Variants in SLC16A2 observed in about 807,000 individuals in gnomAD.
The protein encoded by SLC16A2 is solute carrier family 16 member 2, also known as monocarboxylate transporter 8.
SLC16A2 carries 3 observed loss-of-function variants against 27.2 expected under a neutral mutation model. The observed-to-expected ratio is 0.11, with a 90% CI of 0.05 to 0.28. SLC16A2 has a LOEUF of 0.28. SLC16A2 is among the 10% of genes least tolerant of loss of function. The pLI, the probability that SLC16A2 is intolerant of heterozygous loss-of-function variation, is 1.00. For synonymous variants in SLC16A2, 202 were observed against 187.8 expected, an observed-to-expected ratio of 1.08 and a Z score of -0.62; for missense variants, 295 against 458.5, an observed-to-expected ratio of 0.64 and a Z score of 3.26.
chrX:74,497,111 G>A (rs1929951346), intron 1 of SLC16A2, among the ~76,000 whole-genome samples: 1 of 111,838 alleles, frequency 8.9e-6, no homozygotes, highest in Non-Finnish European at 1.9e-5. Flanking sequence ...GGTGTGGCAG[G>A]CCAGGGGAGG....
At chrX:74,434,114 G>C (rs1928579511) in intron 1 of SLC16A2, among the ~76,000 whole-genome samples, 1 of 111,629 alleles carries the variant, frequency 9.0e-6, no homozygotes, top group Admixed American at 9.5e-5. Context: ...TTTGACCTAT[G>C]TTAGACTGGA....
intron 1 of SLC16A2, among the ~76,000 whole-genome samples, chrX:74,489,856 T>C (rs766823806): frequency 4.9e-4 from 54 of 110,055 alleles, no homozygotes; most frequent in Middle Eastern, 4.2e-3. Flanking sequence ...TCAGCAAAAT[T>C]TACATCTCAA....
At chrX:74,461,393 A>AGG (rs1304080677) in intron 1 of SLC16A2, among the ~76,000 whole-genome samples, 5 of 90,331 alleles carry the variant, frequency 5.5e-5, no homozygotes, top group African/African-American at 1.7e-4. Context: ...AAGGAGAGAA[A>AGG]GGGAGAGAGA....
chrX:74,499,439 T>TTTTC (rs746450986), intron 1 of SLC16A2, among the ~76,000 whole-genome samples: 147 of 109,696 alleles, frequency 1.3e-3, no homozygotes, highest in South Asian at 4.3e-3. Context: ...TTCTTTTTTC[T>TTTTC]TTTCTTTCTT....
intron 1 of SLC16A2, among the ~76,000 whole-genome samples, chrX:74,440,244 A>AT (rs1273273394): frequency 9.0e-6 from 1 of 111,640 alleles, no homozygotes; most frequent in Non-Finnish European, 1.9e-5. Context: ...CTCTATTAAC[A>AT]TTTTTGTTGG....
intron 1 of SLC16A2, among the ~76,000 whole-genome samples, chrX:74,461,528 G>A (rs1929143841): frequency 9.0e-6 from 1 of 110,671 alleles, no homozygotes; most frequent in Non-Finnish European, 1.9e-5. Context: ...GAGAGAGGGT[G>A]AAAGAAAGAC....
At chrX:74,473,028 C>A in intron 1 of SLC16A2, 1 of 512,466 alleles carries the variant, frequency 2.0e-6, no homozygotes, top group Non-Finnish European at 3.5e-6. Context: ...AAATCTTCTG[C>A]CACTGCCACA....
chrX:74,507,211 C>A (rs748866149), intron 1 of SLC16A2, among the ~76,000 whole-genome samples: 4 of 110,868 alleles, frequency 3.6e-5, no homozygotes, highest in Admixed American at 1.9e-4. Flanking sequence ...CTGTCTCAGC[C>A]TCCAAAAGTG....
At chrX:74,455,705 G>T (rs1929031170) in intron 1 of SLC16A2, among the ~76,000 whole-genome samples, 1 of 111,396 alleles carries the variant, frequency 9.0e-6, no homozygotes, top group South Asian at 3.8e-4. Context: ...GAGACATCTG[G>T]GCATGGCAGC....
At chrX:74,464,492 G>A (rs1254583847) in intron 1 of SLC16A2, among the ~76,000 whole-genome samples, 1 of 112,070 alleles carries the variant, frequency 8.9e-6, no homozygotes, top group African/African-American at 3.2e-5. Flanking sequence ...AAGAATTTCA[G>A]TTGAATAATT....
chrX:74,515,734 A>G (rs772491259), intron 1 of SLC16A2, among the ~76,000 whole-genome samples: 1 of 112,164 alleles, frequency 8.9e-6, no homozygotes, highest in Admixed American at 9.5e-5. Context: ...AAATGACAGA[A>G]GATTTCTCAT....
chrX:74,430,637 T>A (rs1928519907), intron 1 of SLC16A2, among the ~76,000 whole-genome samples: 1 of 112,152 alleles, frequency 8.9e-6, no homozygotes, highest in African/African-American at 3.2e-5. Context: ...TGGCTATTAT[T>A]AAAAAATCAA....
At chrX:74,437,163 G>A (rs1166473685) in intron 1 of SLC16A2, among the ~76,000 whole-genome samples, 2 of 112,424 alleles carry the variant, frequency 1.8e-5, no homozygotes, top group African/African-American at 3.2e-5. Flanking sequence ...CCTCCTTGCC[G>A]GTTGGGACCT....
chrX:74,478,607 G>A (rs1929540319), intron 1 of SLC16A2, among the ~76,000 whole-genome samples: 1 of 111,616 alleles, frequency 9.0e-6, no homozygotes, highest in Admixed American at 9.6e-5. Context: ...GCATGTTTTT[G>A]CAGTGGCTGG....
intron 1 of SLC16A2, among the ~76,000 whole-genome samples, chrX:74,500,197 C>T (rs1930006973): frequency 9.0e-6 from 1 of 110,815 alleles, no homozygotes; most frequent in African/African-American, 3.3e-5. Flanking sequence ...GTCTGCCCCA[C>T]CCCCATCAGA....
At chrX:74,460,468 C>T (rs893998047) in intron 1 of SLC16A2, among the ~76,000 whole-genome samples, 3 of 111,762 alleles carry the variant, frequency 2.7e-5, no homozygotes, top group Non-Finnish European at 3.8e-5. Flanking sequence ...TCTCAGACTT[C>T]CTCCCTATCT....
chrX:74,453,865 A>G (rs1485261344), intron 1 of SLC16A2, among the ~76,000 whole-genome samples: 1 of 111,339 alleles, frequency 9.0e-6, no homozygotes, highest in African/African-American at 3.3e-5. Flanking sequence ...GCTTTTAACT[A>G]TTTTTTTATT....
At chrX:74,441,764 A>G (rs1928752580) in intron 1 of SLC16A2, among the ~76,000 whole-genome samples, 2 of 111,279 alleles carry the variant, frequency 1.8e-5, no homozygotes, top group African/African-American at 6.5e-5. Flanking sequence ...CCTTCACAGG[A>G]TGTAGGCCAG....
At chrX:74,516,807 C>T (rs1490639447) in intron 1 of SLC16A2, among the ~76,000 whole-genome samples, 3 of 111,426 alleles carry the variant, frequency 2.7e-5, no homozygotes, top group Non-Finnish European at 5.7e-5. Context: ...CTAAATATAT[C>T]AGTTCAAAGA....
Sources: allele counts gnomAD v4.1 joint callset (sites outside exome capture counted in the v4.1 genomes callset), GRCh38; gene constraint gnomAD v4.1.1; transcripts MANE v1.5; gene names NCBI Gene and HGNC (gene_info 2026-07-23, HGNC 2026-07-21).